The following CDH4 variants were observed in gnomAD, a reference collection of about 807,000 sequenced individuals.
The protein encoded by CDH4 is cadherin 4, also known as cadherin-4.
In CDH4, 33 loss-of-function variants were observed where a neutral mutation model predicts 86.0. The ratio of observed to expected loss-of-function variants is 0.38; its 90% CI spans 0.29 to 0.51. CDH4 has a LOEUF of 0.51. Ranked by LOEUF, CDH4 falls within the 20% of genes least tolerant of loss-of-function variation. The pLI, the probability that CDH4 is intolerant of heterozygous loss-of-function variation, is 0.86. For synonymous variants in CDH4, 555 were observed against 549.4 expected, an observed-to-expected ratio of 1.01 and a Z score of -0.14; for missense variants, 1,114 against 1,307.4, an observed-to-expected ratio of 0.85 and a Z score of 2.28.
intron 2 of CDH4, among the ~76,000 whole-genome samples, chr20:61,318,503 C>G (rs71323508): frequency 0.025 from 3,869 of 152,226 alleles, 67 homozygotes; most frequent in Middle Eastern, 0.058. Flanking sequence ...CCTAAGAAAA[C>G]CTTATCCATT....
At chr20:61,551,728 A>G (rs1417404702) in intron 2 of CDH4, among the ~76,000 whole-genome samples, 1 of 152,214 alleles carries the variant, frequency 6.6e-6, no homozygotes. Flanking sequence ...TGATTCCAAA[A>G]TTTACTAGAA....
intron 2 of CDH4, among the ~76,000 whole-genome samples, chr20:61,664,059 G>C (rs1260543422): frequency 6.6e-6 from 1 of 152,162 alleles, no homozygotes; most frequent in Non-Finnish European, 1.5e-5. Flanking sequence ...TGTGGGGGCT[G>C]ACCGGGCCTC....
intron 2 of CDH4, among the ~76,000 whole-genome samples, chr20:61,404,400 G>A (rs959230763): frequency 6.6e-6 from 1 of 152,124 alleles, no homozygotes; most frequent in Admixed American, 6.5e-5. Flanking sequence ...ATGGTAGAGT[G>A]CTTTTGTGTC....
intron 4 of CDH4, among the ~76,000 whole-genome samples, chr20:61,816,618 G>A (rs1281312343): frequency 6.6e-6 from 1 of 151,972 alleles, no homozygotes; most frequent in Admixed American, 6.6e-5. Context: ...GCTGGGGAGG[G>A]CTCAGAAGCC....
Position 61,283,475 on chromosome 20 carries a change from TGTG to T in CDH4, c.169+28542_169+28544del, listed in dbSNP as rs1280714975. On this transcript the variant is annotated intron_variant, in intron 2 of 15. Coordinates refer to ENST00000614565, the MANE Select transcript of CDH4 (RefSeq NM_001794.5). Reference sequence around the variant, plus strand: ...TGTGTGTGCGTTTGCACGCGTGTGCTGTGGTGTGTGATGTAGGTGCATTTGCAC... The same window carrying T: ...TGTGTGTGCGTTTGCACGCGTGTGCTGTGTGTGATGTAGGTGCATTTGCAC... Among the ~76,000 whole-genome samples the T allele has an allele frequency of 7.6e-4, 81 of 106,820 alleles. 16 individuals are homozygous for T. Among genetic ancestry groups the T allele is most frequent in the East Asian group, 7.1e-3 (21 of 2,954 alleles). 70.1% of individuals were successfully genotyped at this position (106,820 alleles called of 152,430 possible).
intron 2 of CDH4, among the ~76,000 whole-genome samples, chr20:61,589,454 A>C (rs1369178096): frequency 2.0e-5 from 3 of 152,160 alleles, no homozygotes; most frequent in Non-Finnish European, 4.4e-5. Context: ...CTAATGTGTA[A>C]ATTTTCAGAT....
intron 2 of CDH4, among the ~76,000 whole-genome samples, chr20:61,422,820 A>T (rs2085187563): frequency 6.6e-6 from 1 of 152,118 alleles, no homozygotes; most frequent in Non-Finnish European, 1.5e-5. Context: ...TCTTGGGAGA[A>T]TCACCTGATT....
chr20:61,936,427 C>T (rs1168969771), intron 15 of CDH4, among the ~76,000 whole-genome samples: 4 of 60,666 alleles, frequency 6.6e-5, no homozygotes, highest in African/African-American at 2.1e-4. Context: ...CACCCCCCCC[C>T]CCATCTGCCC....
At chr20:61,273,184 G>A in intron 2 of CDH4, among the ~76,000 whole-genome samples, 1 of 126,198 alleles carries the variant, frequency 7.9e-6, no homozygotes, top group African/African-American at 3.1e-5. Context: ...ACCATGTGCA[G>A]TTTGGGGGAG....
intron 2 of CDH4, among the ~76,000 whole-genome samples, chr20:61,303,456 T>C (rs1485411438): frequency 1.6e-5 from 1 of 62,782 alleles, no homozygotes; most frequent in Non-Finnish European, 4.0e-5. Context: ...GGCCCTGCTC[T>C]TGCCATTTTT....
chr20:61,387,894 G>A (rs1157707462), intron 2 of CDH4, among the ~76,000 whole-genome samples: 2 of 146,702 alleles, frequency 1.4e-5, no homozygotes, highest in Non-Finnish European at 3.0e-5. Flanking sequence ...CTGCCGCCCA[G>A]ATCCACTGTC....
intron 2 of CDH4, among the ~76,000 whole-genome samples, chr20:61,284,945 A>C (rs1259087831): frequency 6.6e-6 from 1 of 152,222 alleles, no homozygotes; most frequent in Non-Finnish European, 1.5e-5. Flanking sequence ...TATTTACAAC[A>C]GGCTGCAGCC....
intron 2 of CDH4, among the ~76,000 whole-genome samples, chr20:61,608,411 A>G (rs2086660652): frequency 6.6e-6 from 1 of 152,202 alleles, no homozygotes; most frequent in Non-Finnish European, 1.5e-5. Flanking sequence ...TCCCTGTCCA[A>G]GTGGAACTGC....
intron 2 of CDH4, among the ~76,000 whole-genome samples, chr20:61,449,217 G>T (rs1460407700): frequency 1.3e-5 from 2 of 152,034 alleles, no homozygotes; most frequent in African/African-American, 4.8e-5. Flanking sequence ...GTCCTCAGAG[G>T]CCCACAGCAT....
At position 61,383,162 on chromosome 20, in the gene CDH4, T is replaced by C. The variant is rs1176701087; in HGVS notation, c.169+128225T>C. Among the ~76,000 whole-genome samples the C allele has an allele frequency of 4.5e-5, 5 of 111,930 alleles. 2 individuals are homozygous for C. The highest frequency in any genetic ancestry group is 8.6e-5 in the Non-Finnish European group (5 of 58,418). 73.4% of individuals were successfully genotyped at this position (111,930 alleles called of 152,430 possible). A position where few individuals can be genotyped will look rare whatever the true frequency, so the allele number is the denominator to read the frequency against. ...TATATGAATATATATGAATATATTA[T>C]ATATATGAATATATTTATGAATATA... On this transcript the variant is annotated intron_variant, in intron 2 of 15. Transcript: ENST00000614565.
intron 2 of CDH4, among the ~76,000 whole-genome samples, chr20:61,672,785 G>A (rs1349605273): frequency 1.3e-5 from 2 of 152,092 alleles, no homozygotes; most frequent in South Asian, 2.1e-4. Flanking sequence ...GGAACCCGAC[G>A]GGGCTCAAGG....
chr20:61,795,516 C>T (rs1013390769), intron 4 of CDH4, among the ~76,000 whole-genome samples: 6 of 152,120 alleles, frequency 3.9e-5, no homozygotes, highest in South Asian at 2.1e-4. Context: ...CCCCCCAGGA[C>T]GACACATACG....
intron 8 of CDH4, among the ~76,000 whole-genome samples, chr20:61,903,934 C>G (rs1364692417): frequency 6.6e-6 from 1 of 152,224 alleles, no homozygotes; most frequent in African/African-American, 2.4e-5. Context: ...TGTCTCCTTG[C>G]GAGGGCCCGC....
chr20:61,859,116 G>A (rs1366115068), intron 6 of CDH4, among the ~76,000 whole-genome samples: 1 of 152,168 alleles, frequency 6.6e-6, no homozygotes, highest in East Asian at 1.9e-4. Flanking sequence ...GAGGTGCATG[G>A]TGGCCCCTCG....
Sources: allele counts gnomAD v4.1 joint callset (sites outside exome capture counted in the v4.1 genomes callset), GRCh38; gene constraint gnomAD v4.1.1; transcripts MANE v1.5; gene names NCBI Gene and HGNC (gene_info 2026-07-23, HGNC 2026-07-21).